Variants in GRID1 observed in about 807,000 individuals in gnomAD.
GRID1 encodes the protein glutamate receptor ionotropic, delta-1.
A neutral mutation model predicts 98.0 loss-of-function variants in GRID1; 28 were observed. That is an observed-to-expected ratio of 0.29 (90% CI 0.21 to 0.39). GRID1 has a LOEUF of 0.39. Ranked by LOEUF, GRID1 falls within the 10% of genes least tolerant of loss-of-function variation. The pLI is 1.00. For synonymous variants in GRID1, 553 were observed against 538.5 expected (o/e 1.03, Z -0.37); for missense variants, 1,111 against 1,340.5 (o/e 0.83, Z 2.67).
At chr10:86,185,407 TA>T (rs1845714163) in intron 3 of GRID1, among the ~76,000 whole-genome samples, 1 of 152,202 alleles carries the variant, frequency 6.6e-6, no homozygotes, top group Admixed American at 6.5e-5. Flanking sequence ...GATGATCATA[TA>T]ATCAGTAAAT....
chr10:85,999,181 C>T (rs1842775403), intron 4 of GRID1, among the ~76,000 whole-genome samples: 1 of 148,396 alleles, frequency 6.7e-6, no homozygotes, highest in Admixed American at 6.8e-5. Context: ...CACTGCACTC[C>T]AGCCTGGCCA....
At chr10:86,253,909 G>A (rs1454480838) in intron 2 of GRID1, among the ~76,000 whole-genome samples, 1 of 152,020 alleles carries the variant, frequency 6.6e-6, no homozygotes, top group Non-Finnish European at 1.5e-5. Flanking sequence ...TCAGGTATGT[G>A]ACTGCCAGCT....
chr10:86,032,225 G>A (rs118090755), intron 4 of GRID1, among the ~76,000 whole-genome samples: 286 of 152,074 alleles, frequency 1.9e-3, no homozygotes, highest in Middle Eastern at 0.014. Flanking sequence ...GCCCCCGCCC[G>A]GCAGCCACCC....
At position 85,620,007 on chromosome 10, in the gene GRID1, C is replaced by T. The variant is rs1237090918; in HGVS notation, c.2220G>A (p.Leu740=). The T allele has an allele frequency of 6.2e-7, 1 of 1,614,142 alleles. No individual in the cohort carries two copies. The highest frequency in any genetic ancestry group is 8.5e-7 in the Non-Finnish European group (1 of 1,179,990). Residue 740 remains leucine, a synonymous_variant, in exon 14 of 16, where the codon CTG becomes CTA. Transcript: ENST00000327946. ...CGTATTCCACCACGGCCACATCCCA[C>T]AGGAAGGCGTAGTTCCCCTTCTTTG... ...RKAKKGNYAF[L]WDVAVVEYAA... is the part of the protein sequence containing the mutation.
intron 3 of GRID1, among the ~76,000 whole-genome samples, chr10:86,202,142 T>TA (rs1845962170): frequency 6.6e-6 from 1 of 152,258 alleles, no homozygotes; most frequent in African/African-American, 2.4e-5. Flanking sequence ...GTCTGCGAGC[T>TA]AGCCCAGAGA....
intron 2 of GRID1, among the ~76,000 whole-genome samples, chr10:86,270,381 C>T (rs1482098055): frequency 6.6e-6 from 1 of 151,442 alleles, no homozygotes; most frequent in Non-Finnish European, 1.5e-5. Context: ...AGCTCAGATA[C>T]AACTATTTAA....
At position 85,602,705 on chromosome 10, in the gene GRID1, G is replaced by A. The variant is rs751070980; in HGVS notation, c.2602-4C>T. 2 of 1,606,600 alleles carry A rather than the reference G, an allele frequency of 1.2e-6. No homozygotes were observed. Among genetic ancestry groups the A allele is most frequent in the Non-Finnish European group, 8.5e-7 (1 of 1,175,672 alleles). On this transcript the variant is annotated splice_polypyrimidine_tract_variant and splice_region_variant and intron_variant, in intron 15 of 15. Transcript: ENST00000327946. ...GCTCCAAGTTCACTTCTTTGTCCTG[G>A]AGGGAAGGCATAGGAAGGTCAGGTG...
intron 5 of GRID1, among the ~76,000 whole-genome samples, chr10:85,899,812 C>T (rs933754565): frequency 2.0e-5 from 3 of 152,152 alleles, no homozygotes; most frequent in Admixed American, 6.5e-5. Flanking sequence ...GAGTATCAGG[C>T]GTGAAAGTAC....
chr10:86,200,551 A>G (rs1322343456), intron 3 of GRID1, among the ~76,000 whole-genome samples: 2 of 152,214 alleles, frequency 1.3e-5, no homozygotes, highest in East Asian at 1.9e-4. Context: ...CTCCATATAG[A>G]GAGGGAGGTT....
At chr10:85,815,913 A>G (rs548054412) in intron 8 of GRID1, among the ~76,000 whole-genome samples, 3 of 152,154 alleles carry the variant, frequency 2.0e-5, no homozygotes, top group East Asian at 3.9e-4. Flanking sequence ...AAAAGCTTAC[A>G]TCATTAGTCA....
intron 3 of GRID1, among the ~76,000 whole-genome samples, chr10:86,202,530 A>G (rs1845969259): frequency 6.6e-6 from 1 of 152,240 alleles, no homozygotes; most frequent in Non-Finnish European, 1.5e-5. Flanking sequence ...TGGTATTTTA[A>G]TGTTGCAAAT....
At chr10:85,695,939 C>A (rs1253669469) in intron 12 of GRID1, among the ~76,000 whole-genome samples, 2 of 152,052 alleles carry the variant, frequency 1.3e-5, no homozygotes, top group Non-Finnish European at 1.5e-5. Context: ...TTTGTCACCT[C>A]CCAAGGGTGT....
chr10:85,788,928 C>T (rs1842454031), intron 8 of GRID1, among the ~76,000 whole-genome samples: 1 of 152,136 alleles, frequency 6.6e-6, no homozygotes, highest in Non-Finnish European at 1.5e-5. Context: ...TGGGTACATG[C>T]ATTTGTATAC....
intron 4 of GRID1, among the ~76,000 whole-genome samples, chr10:86,114,364 G>A (rs1342469541): frequency 6.6e-6 from 1 of 152,116 alleles, no homozygotes; most frequent in Non-Finnish European, 1.5e-5. Flanking sequence ...GTGGAGAGGT[G>A]GCAGTCAGGG....
At chr10:86,010,360 G>GA (rs1448765298) in intron 4 of GRID1, among the ~76,000 whole-genome samples, 1 of 152,170 alleles carries the variant, frequency 6.6e-6, no homozygotes, top group Non-Finnish European at 1.5e-5. Flanking sequence ...TACTTCATAG[G>GA]AAGGGAAAAC....
chr10:86,152,149 G>A (rs1845178975), intron 3 of GRID1, among the ~76,000 whole-genome samples: 1 of 152,228 alleles, frequency 6.6e-6, no homozygotes, highest in Non-Finnish European at 1.5e-5. Flanking sequence ...GTTGGAACTT[G>A]CAGGATGAAG....
chr10:86,341,438 G>T (rs370537363), intron 2 of GRID1, among the ~76,000 whole-genome samples: 4 of 152,058 alleles, frequency 2.6e-5, no homozygotes, highest in Admixed American at 2.6e-4. Flanking sequence ...AGAAGGGCCC[G>T]CTTAGGGAAA....
intron 2 of GRID1, among the ~76,000 whole-genome samples, chr10:86,291,281 C>T (rs1847508887): frequency 6.6e-6 from 1 of 152,196 alleles, no homozygotes; most frequent in Admixed American, 6.5e-5. Flanking sequence ...ACTTTCCATC[C>T]CCATTGACCT....
intron 15 of GRID1, among the ~76,000 whole-genome samples, chr10:85,612,189 A>G (rs1400103208): frequency 2.6e-5 from 4 of 152,190 alleles, no homozygotes; most frequent in African/African-American, 4.8e-5. Context: ...CTGACCTGCC[A>G]GGAATGCCCT....
Sources: allele counts gnomAD v4.1 joint callset (sites outside exome capture counted in the v4.1 genomes callset), GRCh38; gene constraint gnomAD v4.1.1; transcripts MANE v1.5; gene names NCBI Gene and HGNC (gene_info 2026-07-23, HGNC 2026-07-21).